PARM1: variants seen among roughly 807,000 people sequenced by gnomAD.
PARM1 encodes WSC4, cell wall integrity and stress response component 4 homolog.
A neutral mutation model predicts 24.6 loss-of-function variants in PARM1; 14 were observed. The ratio of observed to expected loss-of-function variants is 0.57; its 90% confidence interval spans 0.38 to 0.89. PARM1 has a LOEUF of 0.89. PARM1 is among the 40% of genes least tolerant of loss of function. PARM1 has a pLI of 0.00. For synonymous variants in PARM1, 179 were observed against 156.6 expected (o/e 1.14, Z -1.07); for missense variants, 362 against 380.4 (o/e 0.95, Z 0.40).
chr4:75,011,751 G>GA lies in PARM1; in HGVS notation c.44-670dup, dbSNP rs1462587615. Among the ~76,000 whole-genome samples the GA allele has an allele frequency of 3.3e-5, 5 of 152,314 alleles. No homozygotes were observed. The East Asian group carries it at 9.6e-4, about 29-fold the overall frequency. ...TTCAGACGACAGGGTTCCAGTCTCA[G>GA]AAAATATTTCCAAACCTCAGATTTC... On this transcript the variant is annotated intron_variant, in intron 1 of 3. Transcript: ENST00000307428.
chr4:75,036,170 G>C lies in PARM1; in HGVS notation c.848+2209G>C, dbSNP rs1269129794. 2.6e-5 allele frequency among the ~76,000 whole-genome samples: 4 copies of C among 152,144 alleles called. No individual in the cohort carries two copies. In the East Asian group the frequency reaches 7.7e-4, roughly 29 times the overall value. ...TAAGAGGCTACATTATCAAAAATAC[G>C]ACCTTCACTGAAGTGTGGAGTGAAA... On this transcript the variant is annotated intron_variant, in intron 3 of 3. Transcript: ENST00000307428.
intron 3 of PARM1, among the ~76,000 whole-genome samples, chr4:75,034,229 G>T (rs1723327630): frequency 1.3e-5 from 2 of 152,166 alleles, no homozygotes; most frequent in African/African-American, 4.8e-5. Context: ...TCGGGAGACT[G>T]AAGCCTAGGC....
chr4:74,981,684 G>A lies in PARM1; in HGVS notation c.44-30741G>A, dbSNP rs540007975. ...GAGGTCAGGAGTTCAAGACCAGCCT[G>A]GCCAAGATGGTGAAACCCCGTCTCT... On this transcript the variant is annotated intron_variant, in intron 1 of 3. Coordinates refer to ENST00000307428, the MANE Select transcript of PARM1 (RefSeq NM_015393.4). Among the ~76,000 whole-genome samples the A allele has an allele frequency of 1.5e-4, 23 of 152,104 alleles. 1 individual carries two copies. In the South Asian group the frequency reaches 4.4e-3, roughly 29 times the overall value.
intron 3 of PARM1, among the ~76,000 whole-genome samples, chr4:75,041,640 T>A (rs917872434): frequency 6.6e-6 from 1 of 152,198 alleles, no homozygotes; most frequent in Non-Finnish European, 1.5e-5. Context: ...GTATTGATGC[T>A]ACAGTTATCT....
At chr4:74,979,761 A>T (rs555990515) in intron 1 of PARM1, among the ~76,000 whole-genome samples, 35 of 152,338 alleles carry the variant, frequency 2.3e-4, no homozygotes, top group Admixed American at 7.2e-4. Flanking sequence ...CAAAAAGTTT[A>T]TCTGCTATGA....
intron 1 of PARM1, among the ~76,000 whole-genome samples, chr4:74,955,645 C>T (rs1156606798): frequency 6.6e-6 from 1 of 152,188 alleles, no homozygotes; most frequent in African/African-American, 2.4e-5. Flanking sequence ...CTAGTACTGG[C>T]TTTAGTTTTT....
At chr4:75,005,517 G>C (rs2109789618) in intron 1 of PARM1, among the ~76,000 whole-genome samples, 1 of 152,202 alleles carries the variant, frequency 6.6e-6, no homozygotes. Flanking sequence ...AGGCACAGAA[G>C]GCAGACTCTC....
chr4:75,045,653 A>G (rs1398122220), intron 3 of PARM1, among the ~76,000 whole-genome samples: 2 of 152,232 alleles, frequency 1.3e-5, no homozygotes, highest in African/African-American at 2.4e-5. Flanking sequence ...AGTTTAAACT[A>G]TACCTGCCCC....
chr4:74,945,533 G>T (rs1398286671), intron 1 of PARM1, among the ~76,000 whole-genome samples: 1 of 152,160 alleles, frequency 6.6e-6, no homozygotes, highest in Non-Finnish European at 1.5e-5. Flanking sequence ...TTCTGGGAAG[G>T]AATTGACTTA....
chr4:74,969,287 G>A (rs1342917574), intron 1 of PARM1, among the ~76,000 whole-genome samples: 1 of 152,196 alleles, frequency 6.6e-6, no homozygotes, highest in Non-Finnish European at 1.5e-5. Context: ...GTGTTAAGCA[G>A]TTTAAAGAGG....
chr4:75,046,805 T>C lies in PARM1; in HGVS notation c.*558T>C, dbSNP rs1015043141. ...GCTCTACAAGCTGGAAAGCAGCTTCTTAGCTGCCTAATTAATGAAAGATGA... is the reference window on the plus strand; with the variant it reads ...GCTCTACAAGCTGGAAAGCAGCTTCCTAGCTGCCTAATTAATGAAAGATGA... On this transcript the variant is annotated 3_prime_UTR_variant, in exon 4 of 4. Transcript: ENST00000307428. 6.6e-6 allele frequency: 1 copy of C among 152,442 alleles called. No individual in the cohort carries two copies. Among genetic ancestry groups the C allele is most frequent in the Non-Finnish European group, 1.5e-5 (1 of 68,236 alleles). 9.4% of individuals were successfully genotyped at this position (152,442 alleles called of 1,614,324 possible).
At chr4:74,999,012 A>C (rs1278755590) in intron 1 of PARM1, 1 of 152,260 alleles carries the variant, frequency 6.6e-6, no homozygotes, top group Non-Finnish European at 1.5e-5. Context: ...CCTGACGGGA[A>C]AGAGCGTTAA....
intron 1 of PARM1, among the ~76,000 whole-genome samples, chr4:74,989,047 G>GA (rs1408033858): frequency 6.6e-6 from 1 of 152,184 alleles, no homozygotes; most frequent in East Asian, 1.9e-4. Flanking sequence ...GGATAGAGAG[G>GA]AAAAAACCAA....
At chr4:74,954,165 C>T (rs577352661) in intron 1 of PARM1, among the ~76,000 whole-genome samples, 4 of 152,296 alleles carry the variant, frequency 2.6e-5, no homozygotes, top group Non-Finnish European at 4.4e-5. Context: ...CAGGAAGAAC[C>T]AAAAGCCTTC....
chr4:75,006,737 G>C (rs911917397), intron 1 of PARM1, among the ~76,000 whole-genome samples: 1 of 152,056 alleles, frequency 6.6e-6, no homozygotes, highest in Non-Finnish European at 1.5e-5. Flanking sequence ...CACAATGGTT[G>C]AACTTAAATG....
At chr4:75,011,757 A>C (rs1441032397) in intron 1 of PARM1, among the ~76,000 whole-genome samples, 1 of 152,162 alleles carries the variant, frequency 6.6e-6, no homozygotes, top group East Asian at 1.9e-4. Context: ...CTCAGAAAAT[A>C]TTTCCAAACC....
intron 2 of PARM1, among the ~76,000 whole-genome samples, chr4:75,023,099 A>T (rs1477422154): frequency 6.6e-6 from 1 of 152,240 alleles, no homozygotes; most frequent in Admixed American, 6.5e-5. Context: ...AAATCTCAGT[A>T]GGTCCATGGA....
chr4:75,019,144 C>T (rs967859082), intron 2 of PARM1, among the ~76,000 whole-genome samples: 5 of 152,274 alleles, frequency 3.3e-5, no homozygotes, highest in Admixed American at 6.5e-5. Flanking sequence ...GAGAGAAAGA[C>T]GTGATCTGTT....
intron 1 of PARM1, among the ~76,000 whole-genome samples, chr4:74,993,172 C>G (rs554971787): frequency 8.0e-4 from 122 of 152,228 alleles, no homozygotes; most frequent in African/African-American, 2.8e-3. Context: ...CTGTTTCTTC[C>G]TGCTTGCTTG....
Sources: gnomAD v4.1 joint callset for allele counts (sites outside exome capture counted in the v4.1 genomes callset) on GRCh38, gnomAD v4.1.1 for gene constraint, MANE v1.5 for transcripts, NCBI Gene and HGNC (gene_info 2026-07-23, HGNC 2026-07-21) for gene names.